The following NBPF12 variants were observed in gnomAD, a reference collection of about 807,000 sequenced individuals.
NBPF12 encodes NBPF member 12.
Under a neutral mutation model 146.4 loss-of-function variants are expected in NBPF12, and 115 were observed. That is an observed-to-expected ratio of 0.79 (90% CI 0.68 to 0.92). The LOEUF is 0.92. Among genes scored for constraint, NBPF12 ranks in the 40% least tolerant of loss-of-function variants. NBPF12 has a pLI of 0.00. For missense variants in NBPF12, 1,205 were observed against 1,326.8 expected (o/e 0.91, Z 1.43); for synonymous variants, 385 against 508.9 (o/e 0.76, Z 3.28).
chr1:146,961,440 G>A (rs1374666854), intron 4 of NBPF12, among the ~76,000 whole-genome samples: 4,427 of 152,052 alleles, frequency 0.029, 94 homozygotes, highest in Non-Finnish European at 0.045. Flanking sequence ...ATTACATGAG[G>A]TATTTCCTGT....
chr1:146,994,628 A>C (rs61805295), exon 34 of NBPF12: 1 of 1,587,612 alleles, frequency 6.3e-7, no homozygotes, highest in African/African-American at 1.4e-5. Context: ...ACCTATAGGC[A>C]CCTGAAGATT....
At position 146,972,307 on chromosome 1, in the gene NBPF12, T is replaced by C. The variant is rs1487106528; in HGVS notation, c.1592-444T>C. On this transcript the variant is annotated intron_variant, in intron 13 of 33. Coordinates refer to ENST00000617844, the Ensembl canonical transcript of NBPF12. ...TGCTTGGCAGGCTGAGTGATGAGAA[T>C]CGCTTGAACCCGGGAGGCAGAGGTG... Among the ~76,000 whole-genome samples, 78 of 151,222 alleles carry C rather than the reference T, an allele frequency of 5.2e-4. 2 individuals are homozygous for C. In the East Asian group the frequency reaches 0.014, roughly 27 times the overall value.
At chr1:146,960,766 T>C (rs1245497433) in intron 4 of NBPF12, among the ~76,000 whole-genome samples, 24 of 151,936 alleles carry the variant, frequency 1.6e-4, no homozygotes, top group African/African-American at 5.3e-4. Flanking sequence ...GGGAACTTGG[T>C]GATAGTACCC....
At chr1:146,967,537 G>A (rs1475359165) in intron 9 of NBPF12, among the ~76,000 whole-genome samples, 1 of 149,782 alleles carries the variant, frequency 6.7e-6, no homozygotes, top group Non-Finnish European at 1.5e-5. Context: ...AGAATAAAAA[G>A]CAGAGAGTAG....
chr1:146,964,959 T>G (rs1233066763), exon 8 of NBPF12: 2 of 1,608,128 alleles, frequency 1.2e-6, no homozygotes, highest in African/African-American at 2.7e-5. Context: ...CCATCACTTG[T>G]TCAAATAGCC....
exon 34 of NBPF12, chr1:146,995,945 A>C (rs1658515473): frequency 6.6e-6 from 1 of 150,702 alleles, no homozygotes; most frequent in Non-Finnish European, 1.5e-5. Context: ...ACATATCTCT[A>C]CGCTGCAAAT....
chr1:146,981,498 A>T (rs1422806925), intron 19 of NBPF12, among the ~76,000 whole-genome samples: 1 of 150,896 alleles, frequency 6.6e-6, no homozygotes, highest in Non-Finnish European at 1.5e-5. Context: ...TTTTTCCTTC[A>T]TTTCAACCTT....
At chr1:146,946,136 T>C (rs1655053420), upstream of NBPF12, among the ~76,000 whole-genome samples, 1 of 151,938 alleles carries the variant, frequency 6.6e-6, no homozygotes. Context: ...GTAAAATCAC[T>C]GAATCAGATT....
In NBPF12 at chr1:146,965,059, A is replaced by G. The variant is rs1553885430; in HGVS notation, c.733A>G (p.Lys245Glu). 272 of 1,599,264 alleles carry G rather than the reference A, an allele frequency of 1.7e-4. 13 individuals are homozygous for G. The highest frequency in any genetic ancestry group is 1.4e-3 in the African/African-American group (96 of 67,296). Residue 245 changes from lysine to glutamate, a missense_variant, in exon 8 of 34, where the codon AAA becomes GAA. Physicochemically the swap from Lys to Glu is moderately conservative, Grantham distance 56. Coordinates refer to ENST00000617844, the Ensembl canonical transcript of NBPF12. ...CAACTCAACTGTGGTTGTAGACAGAAAATCCTCTCATGATGAATGTCAGGA... is the reference window on the plus strand; with the variant it reads ...CAACTCAACTGTGGTTGTAGACAGAGAATCCTCTCATGATGAATGTCAGGA...
intron 23 of NBPF12, among the ~76,000 whole-genome samples, chr1:146,986,010 A>G (rs1203980122): frequency 6.6e-6 from 1 of 151,840 alleles, no homozygotes; most frequent in Non-Finnish European, 1.5e-5. Context: ...GAGCAAGTTT[A>G]TGGAAAATTA....
intron 21 of NBPF12, among the ~76,000 whole-genome samples, chr1:146,984,562 TTGAC>T (rs1433217435): frequency 4.0e-5 from 6 of 149,152 alleles, no homozygotes; most frequent in Non-Finnish European, 5.9e-5. Context: ...ACCCGGCCAA[TTGAC>T]TGAGCTCACA....
At chr1:146,984,316 G>GT in intron 21 of NBPF12, 131 bp downstream of exon 24, 1 of 742,700 alleles carries the variant, frequency 1.3e-6, no homozygotes, top group East Asian at 2.5e-5. Context: ...CTACTGCATT[G>GT]TTTTTTGGTT....
chr1:146,972,798 G>T (rs1553886774), exon 14 of NBPF12: 16 of 1,322,716 alleles, frequency 1.2e-5, no homozygotes, highest in Admixed American at 1.7e-5. Flanking sequence ...GGTGGTATCA[G>T]CCGGCCCTTT....
intron 15 of NBPF12, among the ~76,000 whole-genome samples, chr1:146,975,471 A>T (rs2101889081): frequency 6.7e-6 from 1 of 150,088 alleles, no homozygotes; most frequent in South Asian, 2.1e-4. Flanking sequence ...ATCATCGAGG[A>T]TCTTGCAGGA....
At chr1:146,959,979 G>C in exon 3 of NBPF12, 1 of 322,494 alleles carries the variant, frequency 3.1e-6, no homozygotes, top group Non-Finnish European at 5.2e-6. Context: ...CTAAAGTGCT[G>C]TGGGGAGTGA....
chr1:146,970,672 T>C, exon 12 of NBPF12: 8 of 1,476,292 alleles, frequency 5.4e-6, no homozygotes, highest in Non-Finnish European at 5.7e-6. Flanking sequence ...AGGATGAAGA[T>C]GTTCAAGTTG....
exon 18 of NBPF12, chr1:146,977,508 A>T: frequency 1.2e-6 from 2 of 1,612,446 alleles, no homozygotes; most frequent in Non-Finnish European, 1.7e-6. Flanking sequence ...CTGAGGACTC[A>T]CTGGAGGAGT....
At chr1:146,964,999 A>G in exon 8 of NBPF12, 1 of 1,608,222 alleles carries the variant, frequency 6.2e-7, no homozygotes, top group Non-Finnish European at 8.5e-7. Flanking sequence ...CCAGCCTCAC[A>G]AGAACATCAA....
At chr1:146,992,460 CTCTGTGTGTGTGTGTGTG>C (rs1335676471) in intron 31 of NBPF12, among the ~76,000 whole-genome samples, 11 of 88,936 alleles carry the variant, frequency 1.2e-4, no homozygotes, top group African/African-American at 2.1e-4. Flanking sequence ...CTCTCTCTCT[CTCTGTGTGTGTGTGTGTG>C]TGTGTGTGTG....
Sources: allele counts gnomAD v4.1 joint callset (sites outside exome capture counted in the v4.1 genomes callset), GRCh38; gene constraint gnomAD v4.1.1; transcripts MANE v1.5; gene names NCBI Gene and HGNC (gene_info 2026-07-23, HGNC 2026-07-21).